The following SCAPER variants were observed in gnomAD, a reference collection of about 807,000 sequenced individuals.
SCAPER encodes S-phase cyclin A associated protein in the ER.
A neutral mutation model predicts 182.2 loss-of-function variants in SCAPER; 98 were observed. That is an observed-to-expected ratio of 0.54 (90% confidence interval 0.46 to 0.64). SCAPER has a LOEUF of 0.64. Among genes scored for constraint, SCAPER ranks in the 30% least tolerant of loss-of-function variants. The pLI is 0.00. For synonymous variants in SCAPER, 605 were observed against 564.6 expected (o/e 1.07, Z -1.01); for missense variants, 1,432 against 1,690.0 (o/e 0.85, Z 2.68).
intron 20 of SCAPER, among the ~76,000 whole-genome samples, chr15:76,667,140 C>A (rs1248423149): frequency 6.6e-6 from 1 of 152,140 alleles, no homozygotes; most frequent in Non-Finnish European, 1.5e-5. Context: ...CCAGCTTTTG[C>A]CCTTACCACC....
At chr15:76,614,118 C>T (rs1349306821) in intron 22 of SCAPER, among the ~76,000 whole-genome samples, 1 of 152,058 alleles carries the variant, frequency 6.6e-6, no homozygotes. Context: ...GTGCTGCGGG[C>T]CATTACCCTT....
At chr15:76,650,491 A>G (rs771389390) in intron 21 of SCAPER, among the ~76,000 whole-genome samples, 4 of 152,034 alleles carry the variant, frequency 2.6e-5, no homozygotes, top group African/African-American at 4.8e-5. Flanking sequence ...ATTTGTATAT[A>G]TATCTAATAA....
At chr15:76,626,427 A>ATT (rs375593649) in intron 21 of SCAPER, among the ~76,000 whole-genome samples, 70 of 152,356 alleles carry the variant, frequency 4.6e-4, no homozygotes, top group African/African-American at 1.7e-3. Context: ...AAAAAGATAC[A>ATT]TAATTCCAGC....
intron 23 of SCAPER, among the ~76,000 whole-genome samples, chr15:76,569,463 C>T (rs1186286093): frequency 6.6e-6 from 1 of 152,068 alleles, no homozygotes; most frequent in African/African-American, 2.4e-5. Context: ...AATTCTGAAT[C>T]CACATTTATG....
At chr15:76,683,407 T>C (rs755831932) in intron 20 of SCAPER, among the ~76,000 whole-genome samples, 2 of 151,892 alleles carry the variant, frequency 1.3e-5, no homozygotes, top group Non-Finnish European at 2.9e-5. Flanking sequence ...TGGGATTATG[T>C]AACAAGACCA....
At chr15:76,856,070 T>C (rs971275194) in intron 4 of SCAPER, among the ~76,000 whole-genome samples, 19 of 152,124 alleles carry the variant, frequency 1.2e-4, no homozygotes, top group African/African-American at 4.6e-4. Context: ...TACATATATA[T>C]GATGGAATAC....
rs560937584 is a variant in SCAPER at position 76,471,763 on chromosome 15, T to C, written c.2955-428A>G. Among the ~76,000 whole-genome samples the C allele has an allele frequency of 1.0e-3, 156 of 152,158 alleles. 3 individuals are homozygous for C. The highest frequency in any genetic ancestry group is 3.7e-3 in the African/African-American group (153 of 41,524). ...AGATCATGGAAGAAGAGAGCACCCATAAGGAGAAACTGGAGGCTCTCCATG... is the reference window on the plus strand; with the variant it reads ...AGATCATGGAAGAAGAGAGCACCCACAAGGAGAAACTGGAGGCTCTCCATG... On this transcript the variant is annotated intron_variant, in intron 24 of 31. Coordinates refer to ENST00000563290, the MANE Select transcript of SCAPER (RefSeq NM_020843.4).
At chr15:76,685,212 C>T (rs910489507) in intron 20 of SCAPER, among the ~76,000 whole-genome samples, 2 of 151,768 alleles carry the variant, frequency 1.3e-5, no homozygotes, top group Non-Finnish European at 2.9e-5. Flanking sequence ...AAGCAAACAT[C>T]GTTTTAAGTG....
At chr15:76,724,940 T>C (rs2060492278) in intron 17 of SCAPER, among the ~76,000 whole-genome samples, 1 of 152,162 alleles carries the variant, frequency 6.6e-6, no homozygotes, top group African/African-American at 2.4e-5. Context: ...AAAGTCATTC[T>C]CCGTCCAGCT....
intron 16 of SCAPER, among the ~76,000 whole-genome samples, chr15:76,730,742 C>A (rs574493996): frequency 6.4e-4 from 97 of 151,876 alleles, no homozygotes; most frequent in African/African-American, 2.1e-3. Context: ...AATATAAGAC[C>A]AAAGGCTTGA....
intron 20 of SCAPER, among the ~76,000 whole-genome samples, chr15:76,687,764 A>G (rs2058113283): frequency 6.6e-6 from 1 of 152,216 alleles, no homozygotes; most frequent in African/African-American, 2.4e-5. Context: ...TGCAAAGGAC[A>G]TGAACTCATC....
chr15:76,670,269 T>C (rs1208284871), intron 20 of SCAPER, among the ~76,000 whole-genome samples: 3 of 151,972 alleles, frequency 2.0e-5, no homozygotes, highest in Admixed American at 6.5e-5. Flanking sequence ...TTTGCACATA[T>C]AGTTTTTTAA....
chr15:76,598,254 C>T lies in SCAPER; in HGVS notation c.2711+23510G>A, dbSNP rs1183024029. 1.6e-5 allele frequency among the ~76,000 whole-genome samples: 2 copies of T among 121,526 alleles called. 1 individual carries two copies. Among genetic ancestry groups the T allele is most frequent in the Non-Finnish European group, 4.0e-5 (2 of 50,006 alleles). 79.7% of individuals were successfully genotyped at this position (121,526 alleles called of 152,430 possible). On this transcript the variant is annotated intron_variant, in intron 22 of 31. Transcript: ENST00000563290. ...GCAAATCAAAACCACAATGAGATAC[C>T]GTCTCACGCCAGTTAGAATGGTGAC...
intron 23 of SCAPER, among the ~76,000 whole-genome samples, chr15:76,559,507 G>A (rs371965956): frequency 2.0e-5 from 3 of 152,122 alleles, no homozygotes; most frequent in Admixed American, 6.5e-5. Flanking sequence ...ACTGTGAGTC[G>A]GTTAAACTCT....
At chr15:76,830,569 T>C (rs1240405594) in intron 5 of SCAPER, among the ~76,000 whole-genome samples, 1 of 151,764 alleles carries the variant, frequency 6.6e-6, no homozygotes, top group Non-Finnish European at 1.5e-5. Context: ...AGTGAGTGGT[T>C]TTGTGAGGTG....
chr15:76,815,905 T>C (rs1415124950), intron 5 of SCAPER, among the ~76,000 whole-genome samples: 1 of 152,236 alleles, frequency 6.6e-6, no homozygotes, highest in African/African-American at 2.4e-5. Context: ...CATGTTACTA[T>C]ACTGAATACT....
At chr15:76,822,764 T>C (rs1293015758) in intron 5 of SCAPER, among the ~76,000 whole-genome samples, 1 of 152,130 alleles carries the variant, frequency 6.6e-6, no homozygotes, top group Admixed American at 6.5e-5. Context: ...AAATGGAAAT[T>C]AAAATTTTAT....
intron 2 of SCAPER, among the ~76,000 whole-genome samples, chr15:76,866,884 T>C (rs2072338372): frequency 6.6e-6 from 1 of 152,160 alleles, no homozygotes; most frequent in Non-Finnish European, 1.5e-5. Context: ...CAACAAAATA[T>C]GTGTATTTTC....
chr15:76,586,468 A>G (rs1211868808), intron 22 of SCAPER, among the ~76,000 whole-genome samples: 2 of 152,124 alleles, frequency 1.3e-5, no homozygotes, highest in African/African-American at 2.4e-5. Context: ...CTGAGAAAAG[A>G]TATTTCAAAC....
Sources: allele counts gnomAD v4.1 joint callset (sites outside exome capture counted in the v4.1 genomes callset), GRCh38; gene constraint gnomAD v4.1.1; transcripts MANE v1.5; gene names NCBI Gene and HGNC (gene_info 2026-07-23, HGNC 2026-07-21).